The following FRMD6 variants were observed in gnomAD, a reference collection of about 807,000 sequenced individuals.
FRMD6 encodes FERM domain containing 6, also known as FERM domain-containing protein 6.
In FRMD6, 37 loss-of-function variants were observed where a neutral mutation model predicts 73.2. The observed-to-expected ratio is 0.51, with a 90% CI of 0.39 to 0.66. The LOEUF is 0.66. Ranked by LOEUF, FRMD6 falls within the 30% of genes least tolerant of loss-of-function variation. The pLI is 0.00. For synonymous variants in FRMD6, 273 were observed against 282.2 expected, an observed-to-expected ratio of 0.97 and a Z score of 0.33; for missense variants, 714 against 780.5, an observed-to-expected ratio of 0.91 and a Z score of 1.02.
At chr14:51,515,519 G>C (rs917970622) in intron 1 of FRMD6, among the ~76,000 whole-genome samples, 1 of 152,162 alleles carries the variant, frequency 6.6e-6, no homozygotes, top group Non-Finnish European at 1.5e-5. Flanking sequence ...AACTATCTGT[G>C]CTCCCTGGAC....
chr14:51,500,421 G>C (rs1169575651), intron 1 of FRMD6, among the ~76,000 whole-genome samples: 1 of 152,098 alleles, frequency 6.6e-6, no homozygotes, highest in Non-Finnish European at 1.5e-5. Context: ...CAGCTACTCA[G>C]GAGGCTGAGG....
chr14:51,557,680 A>G (rs1287898715), intron 1 of FRMD6, among the ~76,000 whole-genome samples: 1 of 152,190 alleles, frequency 6.6e-6, no homozygotes, highest in Non-Finnish European at 1.5e-5. Flanking sequence ...TCATCACAAA[A>G]CAAAATAAAT....
At chr14:51,709,046 C>T (rs566370021) in intron 7 of FRMD6, among the ~76,000 whole-genome samples, 65 of 152,288 alleles carry the variant, frequency 4.3e-4, no homozygotes, top group African/African-American at 1.6e-3. Flanking sequence ...GTCTTCTCTT[C>T]CCCTCCTCCT....
chr14:51,642,258 G>A (rs1244887242), intron 2 of FRMD6, among the ~76,000 whole-genome samples: 1 of 152,226 alleles, frequency 6.6e-6, no homozygotes, highest in African/African-American at 2.4e-5. Context: ...GGAGGCCAGA[G>A]GCCGGGCATG....
intron 1 of FRMD6, among the ~76,000 whole-genome samples, chr14:51,501,974 A>G (rs1448246652): frequency 6.6e-6 from 1 of 152,222 alleles, no homozygotes; most frequent in Non-Finnish European, 1.5e-5. Flanking sequence ...TCAAATGCTC[A>G]GTGATGTTGA....
chr14:51,622,880 C>A (rs1890975174), intron 2 of FRMD6, among the ~76,000 whole-genome samples: 1 of 152,190 alleles, frequency 6.6e-6, no homozygotes, highest in Non-Finnish European at 1.5e-5. Context: ...ATCGTCCCAT[C>A]TCAGCCTCCT....
intron 1 of FRMD6, among the ~76,000 whole-genome samples, chr14:51,555,790 A>G (rs1887093966): frequency 6.7e-6 from 1 of 149,204 alleles, no homozygotes; most frequent in South Asian, 2.2e-4. Context: ...CAACAAGAGC[A>G]AAATTCTGAC....
At chr14:51,506,542 A>G (rs1883973278) in intron 1 of FRMD6, among the ~76,000 whole-genome samples, 1 of 152,206 alleles carries the variant, frequency 6.6e-6, no homozygotes, top group African/African-American at 2.4e-5. Context: ...CATAGTGCCC[A>G]GTGTTGAGGG....
the FRMD6 span, among the ~76,000 whole-genome samples, chr14:51,456,398 G>A: frequency 1.2e-3 from 181 of 152,090 alleles, no homozygotes; most frequent in African/African-American, 3.8e-3. Flanking sequence ...GAGAACATAT[G>A]GTGTTTGGTT....
chr14:51,445,782 T>C, the FRMD6 span, among the ~76,000 whole-genome samples: 2 of 152,188 alleles, frequency 1.3e-5, no homozygotes, highest in Non-Finnish European at 1.5e-5. Context: ...TCAATGAGTA[T>C]GAAAAAGTAC....
intron 2 of FRMD6, among the ~76,000 whole-genome samples, chr14:51,692,249 T>C (rs1895641421): frequency 6.6e-6 from 1 of 152,182 alleles, no homozygotes; most frequent in Non-Finnish European, 1.5e-5. Flanking sequence ...ATTTGGTTTT[T>C]TAAACTGAAT....
chr14:51,500,550 A>G (rs1010359813), intron 1 of FRMD6, among the ~76,000 whole-genome samples: 2 of 152,104 alleles, frequency 1.3e-5, no homozygotes, highest in African/African-American at 4.8e-5. Flanking sequence ...CAAAAAAAAA[A>G]AGATAGAAAA....
At chr14:51,563,974 A>G (rs8016155) in intron 1 of FRMD6, among the ~76,000 whole-genome samples, 59,170 of 152,066 alleles carry the variant, frequency 0.39, 11,687 homozygotes, top group East Asian at 0.54. Flanking sequence ...CCTCTTGAAA[A>G]CAATTGTTTT....
In FRMD6 at chr14:51,629,726, G is replaced by A. The variant is rs189320195; in HGVS notation, c.-147+59316G>A. Among the ~76,000 whole-genome samples, 1,490 of 152,290 alleles carry A rather than the reference G, an allele frequency of 9.8e-3. 70 individuals are homozygous for A. Among genetic ancestry groups the A allele is most frequent in the Admixed American group, 0.081 (1,233 of 15,290 alleles). On this transcript the variant is annotated intron_variant, in intron 2 of 14. Coordinates refer to the FRMD6 transcript ENST00000356218. Reference sequence around the variant, plus strand: ...TGATATGGGCAGGCACCCAGGCTCTGTGCTGACTAGCAGTTTTCTTTCAGC... The same window carrying A: ...TGATATGGGCAGGCACCCAGGCTCTATGCTGACTAGCAGTTTTCTTTCAGC...
At chr14:51,657,720 T>G (rs1380053494) in intron 1 of FRMD6, among the ~76,000 whole-genome samples, 1 of 152,036 alleles carries the variant, frequency 6.6e-6, no homozygotes, top group Non-Finnish European at 1.5e-5. Context: ...AGAGAAAAAG[T>G]AACGTTAGAG....
chr14:51,541,624 T>A (rs555145068), intron 1 of FRMD6, among the ~76,000 whole-genome samples: 5 of 152,104 alleles, frequency 3.3e-5, no homozygotes, highest in African/African-American at 1.2e-4. Flanking sequence ...AGACCCATTG[T>A]TAGGATGCAG....
chr14:51,512,231 G>A (rs1218820211), intron 1 of FRMD6, among the ~76,000 whole-genome samples: 1 of 152,074 alleles, frequency 6.6e-6, no homozygotes, highest in Non-Finnish European at 1.5e-5. Context: ...AAGGTGTTGT[G>A]GTGGTTTAAT....
chr14:51,462,944 C>T, the FRMD6 span, among the ~76,000 whole-genome samples: 1 of 152,194 alleles, frequency 6.6e-6, no homozygotes, highest in African/African-American at 2.4e-5. Flanking sequence ...CACTTGGTGG[C>T]TTCATTTCCT....
intron 1 of FRMD6, among the ~76,000 whole-genome samples, chr14:51,545,736 G>A (rs1250369213): frequency 6.6e-6 from 1 of 152,006 alleles, no homozygotes; most frequent in Admixed American, 6.6e-5. Context: ...ATTATTATTT[G>A]CCATTGAAAA....
Sources: gnomAD v4.1 joint callset for allele counts (sites outside exome capture counted in the v4.1 genomes callset) on GRCh38, gnomAD v4.1.1 for gene constraint, MANE v1.5 for transcripts, NCBI Gene and HGNC (gene_info 2026-07-23, HGNC 2026-07-21) for gene names.